TJP2: variants seen among roughly 807,000 people sequenced by gnomAD.
TJP2 encodes the protein tight junction protein 2.
A neutral mutation model predicts 133.1 loss-of-function variants in TJP2; 91 were observed. The observed-to-expected ratio is 0.68, with a 90% CI of 0.58 to 0.81. The LOEUF is 0.81. Ranked by LOEUF, TJP2 falls within the 40% of genes least tolerant of loss-of-function variation. The pLI, the probability that TJP2 is intolerant of heterozygous loss-of-function variation, is 0.00. For missense variants in TJP2, 1,541 were observed against 1,565.6 expected (o/e 0.98, Z 0.26); for synonymous variants, 592 against 583.4 (o/e 1.01, Z -0.21).
intron 1 of TJP2, among the ~76,000 whole-genome samples, chr9:69,210,742 CTTTTTT>C (rs200516626): frequency 3.4e-5 from 4 of 117,860 alleles, no homozygotes; most frequent in African/African-American, 9.5e-5. Context: ...ATTTTGAGTT[CTTTTTT>C]TTTTTTTTTT....
At chr9:69,214,878 A>AAAC (rs1186330617) in intron 2 of TJP2, among the ~76,000 whole-genome samples, 43 of 151,586 alleles carry the variant, frequency 2.8e-4, no homozygotes, top group African/African-American at 9.9e-4. Flanking sequence ...AAAAAAAAAA[A>AAAC]AACAAACAAA....
intron 1 of TJP2, among the ~76,000 whole-genome samples, chr9:69,209,689 G>A (rs1438233172): frequency 6.6e-6 from 1 of 151,426 alleles, no homozygotes; most frequent in Non-Finnish European, 1.5e-5. Flanking sequence ...AGGAGGCGGA[G>A]GTTGCAGTGA....
intron 11 of TJP2, among the ~76,000 whole-genome samples, chr9:69,230,965 A>G (rs998057261): frequency 2.0e-5 from 3 of 152,116 alleles, no homozygotes; most frequent in African/African-American, 7.2e-5. Context: ...TGTTTGTATA[A>G]TCTGTTAAGG....
intron 11 of TJP2, among the ~76,000 whole-genome samples, chr9:69,234,047 A>G (rs891664721): frequency 3.9e-5 from 6 of 152,172 alleles, no homozygotes; most frequent in Admixed American, 2.6e-4. Flanking sequence ...ACAGACCCCA[A>G]CACTCCCCAT....
intron 1 of TJP2, among the ~76,000 whole-genome samples, chr9:69,151,384 G>A (rs1293194338): frequency 6.6e-6 from 1 of 151,916 alleles, no homozygotes; most frequent in African/African-American, 2.4e-5. Context: ...GGGAGGTTGA[G>A]GCAGGAGAAT....
upstream of TJP2, among the ~76,000 whole-genome samples, chr9:69,171,007 A>G (rs1824650215): frequency 6.6e-6 from 1 of 152,208 alleles, no homozygotes; most frequent in Non-Finnish European, 1.5e-5. Flanking sequence ...CACTTGATAC[A>G]TATTTGTTAA....
intron 11 of TJP2, among the ~76,000 whole-genome samples, chr9:69,233,800 A>G (rs1008010572): frequency 2.0e-5 from 3 of 152,056 alleles, no homozygotes; most frequent in Non-Finnish European, 4.4e-5. Context: ...ACATAGCACT[A>G]TGATTTCAAA....
chr9:69,143,912 A>G (rs2133303277), intron 1 of TJP2, among the ~76,000 whole-genome samples: 1 of 152,348 alleles, frequency 6.6e-6, no homozygotes, highest in African/African-American at 2.4e-5. Context: ...ACATGAGTAT[A>G]TTAGTTTGTA....
intron 1 of TJP2, among the ~76,000 whole-genome samples, chr9:69,189,486 A>G (rs1826070158): frequency 6.6e-6 from 1 of 152,138 alleles, no homozygotes; most frequent in Non-Finnish European, 1.5e-5. Context: ...GTGTGGTGGC[A>G]TATGCCTGTG....
chr9:69,231,165 A>G (rs11137608), intron 11 of TJP2, among the ~76,000 whole-genome samples: 14,123 of 151,976 alleles, frequency 0.093, 723 homozygotes, highest in Middle Eastern at 0.17. Flanking sequence ...GCTGGAGTGC[A>G]GTGGTGCTAT....
chr9:69,218,130 C>A, intron 3 of TJP2, 127 bp from the exon 4 acceptor site: 2 of 772,930 alleles, frequency 2.6e-6, no homozygotes, highest in South Asian at 1.5e-5. Context: ...GCCTTGGGCG[C>A]CACTAGACAC....
chr9:69,197,893 A>G (rs1293233735), intron 1 of TJP2, among the ~76,000 whole-genome samples: 2 of 152,156 alleles, frequency 1.3e-5, no homozygotes, highest in Non-Finnish European at 2.9e-5. Flanking sequence ...TGGAAGGTTT[A>G]CCAGCCTGGA....
At chr9:69,162,487 A>T (rs367593354) in intron 2 of TJP2, among the ~76,000 whole-genome samples, 4 of 152,322 alleles carry the variant, frequency 2.6e-5, no homozygotes, top group African/African-American at 9.6e-5. Flanking sequence ...TGCTAAATGA[A>T]TCAGGAGTTT....
At chr9:69,192,717 C>G (rs1826285122) in intron 1 of TJP2, among the ~76,000 whole-genome samples, 1 of 152,086 alleles carries the variant, frequency 6.6e-6, no homozygotes, top group African/African-American at 2.4e-5. Flanking sequence ...CAGTTTCTTA[C>G]CTACTCCTCA....
intron 2 of TJP2, among the ~76,000 whole-genome samples, chr9:69,162,840 TCTA>T (rs1824151390): frequency 6.6e-6 from 1 of 152,220 alleles, no homozygotes; most frequent in African/African-American, 2.4e-5. Flanking sequence ...TTTTTGGTGA[TCTA>T]CTTACTGCAT....
intron 1 of TJP2, among the ~76,000 whole-genome samples, chr9:69,181,043 G>A (rs1825459346): frequency 6.6e-6 from 1 of 151,992 alleles, no homozygotes; most frequent in African/African-American, 2.4e-5. Flanking sequence ...TGAGAAATTA[G>A]GACAGTGGAT....
At position 69,221,125 on chromosome 9, in the gene TJP2, A is replaced by G. The variant is rs1563925026; in HGVS notation, c.581A>G (p.Asp194Gly). Residue 194 changes from aspartate to glycine, a missense_variant, in exon 5 of 23, where the codon GAC becomes GGC. By Grantham distance (94) the Asp-to-Gly change is moderately conservative (BLOSUM62 -1). Coordinates refer to ENST00000377245, the MANE Select transcript of TJP2 (RefSeq NM_004817.4). ...AGCCGGGAGCGGGACCTCAGCCGGGACCGGAGCCGTGGCCGGAGCCTGGAG... is the reference window on the plus strand; with the variant it reads ...AGCCGGGAGCGGGACCTCAGCCGGGGCCGGAGCCGTGGCCGGAGCCTGGAG... ...ARSRERDLSR[D>G]RSRGRSLERG... The G allele has an allele frequency of 1.3e-6, 2 of 1,587,662 alleles. No homozygotes were observed. Among genetic ancestry groups the G allele is most frequent in the Admixed American group, 1.8e-5 (1 of 56,540 alleles).
At chr9:69,185,347 C>A (rs921282136) in intron 1 of TJP2, among the ~76,000 whole-genome samples, 1 of 152,196 alleles carries the variant, frequency 6.6e-6, no homozygotes, top group Non-Finnish European at 1.5e-5. Flanking sequence ...TAGGCGTGAG[C>A]CACCGTGTCC....
At chr9:69,203,326 TA>T (rs1363185683) in intron 1 of TJP2, among the ~76,000 whole-genome samples, 24 of 152,030 alleles carry the variant, frequency 1.6e-4, no homozygotes, top group Middle Eastern at 3.4e-3. Context: ...AATTTATTAT[TA>T]TTTTTTTGAG....
Sources: gnomAD v4.1 joint callset for allele counts (sites outside exome capture counted in the v4.1 genomes callset) on GRCh38, gnomAD v4.1.1 for gene constraint, MANE v1.5 for transcripts, NCBI Gene and HGNC (gene_info 2026-07-23, HGNC 2026-07-21) for gene names.